The following PNPLA8 variants were observed in gnomAD, a reference collection of about 807,000 sequenced individuals.
PNPLA8 encodes patatin like domain 8, phospholipase A2, also known as calcium-independent phospholipase A2-gamma.
A neutral mutation model predicts 76.9 loss-of-function variants in PNPLA8; 39 were observed. The ratio of observed to expected loss-of-function variants is 0.51; its 90% CI spans 0.39 to 0.66. The LOEUF is 0.66. Ranked by LOEUF, PNPLA8 falls within the 30% of genes least tolerant of loss-of-function variation. The probability of loss-of-function intolerance (pLI) is 0.00; values close to 1 mark genes in which losing one functional copy is unlikely to be tolerated. For missense variants in PNPLA8, 887 were observed against 918.0 expected, an observed-to-expected ratio of 0.97 and a Z score of 0.44; for synonymous variants, 301 against 307.9, an observed-to-expected ratio of 0.98 and a Z score of 0.24.
chr7:108,523,368 T>A (rs117253568), intron 1 of PNPLA8, among the ~76,000 whole-genome samples: 2,303 of 151,742 alleles, frequency 0.015, 26 homozygotes, highest in Admixed American at 0.025. Flanking sequence ...AAGCTCCTTA[T>A]CTGAGGAATT....
At chr7:108,524,115 C>T (rs1446618432) in intron 1 of PNPLA8, among the ~76,000 whole-genome samples, 1 of 152,134 alleles carries the variant, frequency 6.6e-6, no homozygotes, top group African/African-American at 2.4e-5. Context: ...TGTGGAATTA[C>T]CAGCATAGTG....
At position 108,514,652 on chromosome 7, in the gene PNPLA8, T is replaced by G; in HGVS notation, c.840A>C (p.Gln280His). 1.2e-6 allele frequency: 2 copies of G among 1,613,956 alleles called. No homozygotes were observed. Among genetic ancestry groups the G allele is most frequent in the Non-Finnish European group, 1.7e-6 (2 of 1,179,826 alleles). The change falls in exon 3 of 11, where the codon CAA (glutamine) becomes CAC (histidine). Residue 280 changes from glutamine (Q) to histidine (H), a missense_variant. Physicochemically the swap from Gln to His is conservative, Grantham distance 24. Coordinates refer to ENST00000257694, the MANE Select transcript of PNPLA8 (RefSeq NM_001256007.3). ...TAGCAATACTTTGTTTAGTTGAAAC[T>G]TGAAGAACATCAGGTATCGCAGAAG... is the stretch of plus-strand genomic sequence containing the variant. ...TSPSAIPDVLQVSTKQSIANF... is the reference protein window; with the variant it reads ...TSPSAIPDVLHVSTKQSIANF...
intron 4 of PNPLA8, among the ~76,000 whole-genome samples, chr7:108,503,711 G>A (rs1862127995): frequency 6.6e-6 from 1 of 152,206 alleles, no homozygotes; most frequent in Admixed American, 6.5e-5. Flanking sequence ...GCTAGGAAGT[G>A]AGCTGGTAAA....
At chr7:108,525,613 C>A (rs927662621) in intron 1 of PNPLA8, among the ~76,000 whole-genome samples, 4 of 152,188 alleles carry the variant, frequency 2.6e-5, no homozygotes, top group Non-Finnish European at 5.9e-5. Context: ...AGTAGAATCA[C>A]CAGGTGCACA....
At chr7:108,510,403 C>T (rs1862825840) in intron 4 of PNPLA8, 3 of 1,529,016 alleles carry the variant, frequency 2.0e-6, no homozygotes, top group African/African-American at 1.4e-5. Flanking sequence ...AGCACTATCA[C>T]AGGGAATATA....
chr7:108,477,801 C>T (rs1417313330), intron 10 of PNPLA8, among the ~76,000 whole-genome samples: 1 of 152,070 alleles, frequency 6.6e-6, no homozygotes, highest in Non-Finnish European at 1.5e-5. Context: ...GAGTTTGAGG[C>T]TGCAGTGAGC....
chr7:108,496,451 ATAATT>A (rs1327255281), intron 7 of PNPLA8, 128 bp downstream of exon 7: 2 of 566,804 alleles, frequency 3.5e-6, no homozygotes, highest in Non-Finnish European at 5.8e-6. Flanking sequence ...AATTAGTCAA[ATAATT>A]TAATATTCTT....
chr7:108,478,832 T>A (rs1860184245), intron 10 of PNPLA8, among the ~76,000 whole-genome samples: 1 of 152,246 alleles, frequency 6.6e-6, no homozygotes. Context: ...ACTCTAAATC[T>A]TTGCTATCAT....
Position 108,515,120 on chromosome 7 carries a change from T to C in PNPLA8, c.372A>G (p.Ser124=). Residue 124 remains serine (S), a synonymous_variant, in exon 3 of 11, where the codon TCA becomes TCG. Coordinates refer to ENST00000257694, the MANE Select transcript of PNPLA8 (RefSeq NM_001256007.3). ...AACTTGGCTTAAATTGAGCTAAACG[T>C]GAAATCATTTCATTTTGATTGCCAA... ...AVFGNQNEMI[S]RLAQFKPSSQ... 1 of 1,606,614 alleles carries C rather than the reference T, an allele frequency of 6.2e-7. No homozygotes were observed. Among genetic ancestry groups the C allele is most frequent in the Non-Finnish European group, 8.5e-7 (1 of 1,176,488 alleles).
chr7:108,514,703 T>C lies in PNPLA8; in HGVS notation c.789A>G (p.Val263=), dbSNP rs746100172. Residue 263 remains valine, a synonymous_variant, in exon 3 of 11, where the codon GTA becomes GTG. Transcript: ENST00000257694. ...GACTTGTAGGCTTGTCCACCGTATG[T>C]ACAGATTCTGAGCCTGGCTTATAAG... ...ILAYKPGSES[V]HTVDKPTSPS... 6 of 1,614,084 alleles carry C rather than the reference T, an allele frequency of 3.7e-6. No homozygotes were observed. Among genetic ancestry groups the C allele is most frequent in the Non-Finnish European group, 5.1e-6 (6 of 1,179,944 alleles).
Position 108,496,698 on chromosome 7 carries a change from T to A in PNPLA8, c.1511A>T (p.Glu504Val). Residue 504 changes from glutamate (E) to valine (V), a missense_variant, in exon 7 of 11, where the codon GAA becomes GTA. Transcript: ENST00000257694. ...ATCTGATCCTAATTTTCGATAAAGT[T>A]CCTCACATTCATCCAAGGGCATATG... The part of the protein sequence containing the change: ...LFHMPLDECE[E>V]LYRKLGSDVF... The A allele has an allele frequency of 6.2e-7, 1 of 1,611,766 alleles. No homozygotes were observed. Among genetic ancestry groups the A allele is most frequent in the Non-Finnish European group, 8.5e-7 (1 of 1,178,876 alleles).
intron 4 of PNPLA8, among the ~76,000 whole-genome samples, chr7:108,512,016 T>C (rs1030718475): frequency 6.6e-6 from 1 of 152,176 alleles, no homozygotes; most frequent in Non-Finnish European, 1.5e-5. Flanking sequence ...AAGAAACCCG[T>C]GGCAACTTCT....
chr7:108,487,751 C>T lies in PNPLA8; in HGVS notation c.1878+8G>A, dbSNP rs775524443. On this transcript the variant is annotated splice_region_variant and intron_variant, in intron 9 of 10. Transcript: ENST00000257694. ...ATTTAAAAAAATAAGACATACAAGT[C>T]AACTTACTTGATGAAGATCATTTCC... is the stretch of plus-strand genomic sequence containing the variant. 1.9e-6 allele frequency: 3 copies of T among 1,569,160 alleles called. No individual in the cohort carries two copies. The highest frequency in any genetic ancestry group is 1.2e-5 in the South Asian group (1 of 85,264).
At chr7:108,474,112 T>C (rs1317710980) in intron 10 of PNPLA8, among the ~76,000 whole-genome samples, 2 of 152,206 alleles carry the variant, frequency 1.3e-5, no homozygotes, top group African/African-American at 4.8e-5. Flanking sequence ...TTTTAGTGTA[T>C]GACTTGCCTT....
At chr7:108,518,746 TATATATATATATAC>T (rs59983311) in intron 2 of PNPLA8, among the ~76,000 whole-genome samples, 3,974 of 65,566 alleles carry the variant, frequency 0.061, 146 homozygotes, top group East Asian at 0.21. Flanking sequence ...TATATATATA[TATATATATATATAC>T]ACACACACAC....
Position 108,487,914 on chromosome 7 carries a change from G to A in PNPLA8, c.1723C>T (p.Pro575Ser). 3 of 1,613,142 alleles carry A rather than the reference G, an allele frequency of 1.9e-6. No individual in the cohort carries two copies. Among genetic ancestry groups the A allele is most frequent in the Non-Finnish European group, 2.5e-6 (3 of 1,179,292 alleles). The change falls in exon 9 of 11, where the codon CCC becomes TCC. Residue 575 changes from proline to serine, a missense_variant. By Grantham distance (74) the Pro-to-Ser change is moderately conservative (BLOSUM62 -1). Coordinates refer to ENST00000257694, the MANE Select transcript of PNPLA8 (RefSeq NM_001256007.3). ...TAGTTTCTGAACACAAAAGCTTTGG[G>A]TGTTATCCCTCTATTTACTATGGTA... ...VSTIVNRGIT[P>S]KAFVFRNYGH...
At chr7:108,518,597 G>C (rs531276594) in intron 2 of PNPLA8, among the ~76,000 whole-genome samples, 1 of 151,854 alleles carries the variant, frequency 6.6e-6, no homozygotes, top group South Asian at 2.1e-4. Context: ...GCGTGTGTCA[G>C]GGTAGGGGGT....
chr7:108,501,807 G>A (rs1245328107), intron 5 of PNPLA8, among the ~76,000 whole-genome samples: 2 of 152,050 alleles, frequency 1.3e-5, no homozygotes, highest in African/African-American at 4.8e-5. Flanking sequence ...CTGGGCGACA[G>A]AGCAAGACTC....
chr7:108,492,451 G>A (rs1270945040), intron 7 of PNPLA8, among the ~76,000 whole-genome samples: 1 of 152,026 alleles, frequency 6.6e-6, no homozygotes, highest in Non-Finnish European at 1.5e-5. Flanking sequence ...AATCCTAGGA[G>A]CATGCTGATT....
Sources: gnomAD v4.1 joint callset for allele counts (sites outside exome capture counted in the v4.1 genomes callset) on GRCh38, gnomAD v4.1.1 for gene constraint, MANE v1.5 for transcripts, NCBI Gene and HGNC (gene_info 2026-07-23, HGNC 2026-07-21) for gene names.